FOXP2: variants seen among roughly 807,000 people sequenced by gnomAD.
FOXP2 encodes forkhead box protein P2.
Under a neutral mutation model 115.8 loss-of-function variants are expected in FOXP2, and 12 were observed. The ratio of observed to expected loss-of-function variants is 0.10; its 90% CI spans 0.07 to 0.17. FOXP2 has a LOEUF of 0.17. Ranked by LOEUF, FOXP2 falls within the 10% of genes least tolerant of loss-of-function variation. The pLI, the probability that FOXP2 is intolerant of heterozygous loss-of-function variation, is 1.00. For synonymous variants in FOXP2, 328 were observed against 297.7 expected (o/e 1.10, Z -1.05); for missense variants, 629 against 843.5 (o/e 0.75, Z 3.15).
At chr7:114,222,261 T>A (rs568234161) in intron 1 of FOXP2, among the ~76,000 whole-genome samples, 1 of 152,294 alleles carries the variant, frequency 6.6e-6, no homozygotes, top group East Asian at 1.9e-4. Context: ...GCTCATGCAA[T>A]CCTCCCATCT....
At chr7:114,255,699 C>T (rs752625900) in intron 1 of FOXP2, among the ~76,000 whole-genome samples, 19 of 152,162 alleles carry the variant, frequency 1.2e-4, no homozygotes, top group African/African-American at 1.7e-4. Flanking sequence ...GTCACAGCTT[C>T]GCTTGGCTAG....
chr7:114,180,014 C>T (rs1793417115), intron 1 of FOXP2, among the ~76,000 whole-genome samples: 1 of 151,880 alleles, frequency 6.6e-6, no homozygotes. Flanking sequence ...TGGCTGATTA[C>T]CTGAAAAACT....
At chr7:114,136,827 T>A (rs188061823) in intron 1 of FOXP2, among the ~76,000 whole-genome samples, 1 of 152,104 alleles carries the variant, frequency 6.6e-6, no homozygotes, top group Non-Finnish European at 1.5e-5. Context: ...GGACATTATT[T>A]TCTAACATGA....
chr7:114,134,576 A>G (rs1048373343), intron 1 of FOXP2, among the ~76,000 whole-genome samples: 23 of 150,698 alleles, frequency 1.5e-4, no homozygotes, highest in Admixed American at 1.3e-3. Flanking sequence ...AGCCGGGCGT[A>G]GTGGCGGGCG....
chr7:114,280,572 C>G (rs545090914), intron 1 of FOXP2, among the ~76,000 whole-genome samples: 1 of 152,192 alleles, frequency 6.6e-6, no homozygotes, highest in South Asian at 2.1e-4. Flanking sequence ...AAAAGCTATA[C>G]TCTGTTCTAT....
intron 3 of FOXP2, among the ~76,000 whole-genome samples, chr7:114,565,954 C>T (rs1025273937): frequency 6.6e-6 from 1 of 152,126 alleles, no homozygotes; most frequent in South Asian, 2.1e-4. Flanking sequence ...TTCATCTTCT[C>T]TGTCTGACCT....
In FOXP2 at chr7:114,122,691, T is replaced by G. The variant is rs1024826593; in HGVS notation, c.-247+34853T>G. On this transcript the variant is annotated intron_variant, in intron 1 of 19. Transcript: ENST00000635638. ...GAAATAAGGTTCAGGGCTGAAATGT[T>G]TACACTGCATTTTAAAAAATTTTAT... Among the ~76,000 whole-genome samples, 5 of 152,182 alleles carry G rather than the reference T, an allele frequency of 3.3e-5. No individual in the cohort carries two copies. The South Asian group carries it at 1.0e-3, about 32-fold the overall frequency.
At chr7:114,115,905 A>ATG (rs1257351710) in intron 1 of FOXP2, among the ~76,000 whole-genome samples, 5 of 152,142 alleles carry the variant, frequency 3.3e-5, no homozygotes, top group Admixed American at 6.6e-5. Context: ...GAGTGAATAA[A>ATG]TGAATGAATT....
chr7:114,442,215 G>A (rs577656399), intron 2 of FOXP2, among the ~76,000 whole-genome samples: 14 of 152,224 alleles, frequency 9.2e-5, no homozygotes, highest in African/African-American at 3.4e-4. Context: ...TTTGCTAAGT[G>A]AGCCCAGCCA....
chr7:114,163,138 A>C (rs1238828994), intron 1 of FOXP2: 1 of 152,090 alleles, frequency 6.6e-6, no homozygotes, highest in Non-Finnish European at 1.5e-5. Flanking sequence ...TTTTATTGCT[A>C]TTCAGGTTTT....
intron 6 of FOXP2, among the ~76,000 whole-genome samples, chr7:114,639,783 C>T (rs889169732): frequency 1.3e-5 from 2 of 152,134 alleles, no homozygotes; most frequent in African/African-American, 4.8e-5. Flanking sequence ...TAGATGAGAT[C>T]AGAGAGACAG....
intron 2 of FOXP2, among the ~76,000 whole-genome samples, chr7:114,467,342 G>T (rs1307330421): frequency 6.6e-6 from 1 of 152,100 alleles, no homozygotes; most frequent in Non-Finnish European, 1.5e-5. Flanking sequence ...ATTTACATAA[G>T]TATATTGCTT....
chr7:114,239,632 T>G (rs1795101225), intron 1 of FOXP2, among the ~76,000 whole-genome samples: 1 of 152,116 alleles, frequency 6.6e-6, no homozygotes, highest in African/African-American at 2.4e-5. Context: ...AGATAGAATT[T>G]CAGGAATATG....
rs772082903 is a variant in FOXP2, at chr7:114,691,139, T to C, written c.*1213T>C. ...TGCAGATTGCATATTGTTATATATATAGTACTTTGTGTTTTTGTTTTCCCT... is the reference window on the plus strand; with the variant it reads ...TGCAGATTGCATATTGTTATATATACAGTACTTTGTGTTTTTGTTTTCCCT... On this transcript the variant is annotated 3_prime_UTR_variant, in exon 17 of 17. Transcript: ENST00000350908. 1.0e-4 allele frequency: 47 copies of C among 454,086 alleles called. No homozygotes were observed. The highest frequency in any genetic ancestry group is 7.3e-4 in the South Asian group (47 of 64,466). The allele number at this position is 454,086 out of a possible 1,614,324, so 28.1% of individuals were successfully genotyped here.
chr7:114,524,208 T>C (rs1426725120), intron 2 of FOXP2, among the ~76,000 whole-genome samples: 1 of 152,136 alleles, frequency 6.6e-6, no homozygotes, highest in Non-Finnish European at 1.5e-5. Context: ...GTAGTGAACA[T>C]CCTAAATCTA....
chr7:114,446,172 G>T (rs1248262001), intron 2 of FOXP2, among the ~76,000 whole-genome samples: 1 of 152,038 alleles, frequency 6.6e-6, no homozygotes, highest in Admixed American at 6.6e-5. Flanking sequence ...TGATGTCAAA[G>T]AAGTTTTATA....
chr7:114,579,519 T>C (rs1801732511), intron 3 of FOXP2, among the ~76,000 whole-genome samples: 1 of 152,154 alleles, frequency 6.6e-6, no homozygotes, highest in African/African-American at 2.4e-5. Context: ...TTTCTTTCCC[T>C]ACCTTCTGCT....
chr7:114,414,264 G>A (rs1231455062), upstream of FOXP2: 2 of 152,042 alleles, frequency 1.3e-5, no homozygotes, highest in African/African-American at 4.8e-5. Context: ...GTAGCAGATG[G>A]ACTTTCTTTT....
At chr7:114,351,623 T>C (rs982977049) in intron 2 of FOXP2, among the ~76,000 whole-genome samples, 1 of 152,108 alleles carries the variant, frequency 6.6e-6, no homozygotes. Context: ...TAGTTTTCTA[T>C]AGTGTCACAA....
Sources: allele counts gnomAD v4.1 joint callset (sites outside exome capture counted in the v4.1 genomes callset), GRCh38; gene constraint gnomAD v4.1.1; transcripts MANE v1.5; gene names NCBI Gene and HGNC (gene_info 2026-07-23, HGNC 2026-07-21).